The following RFX4 variants were observed in gnomAD, a reference collection of about 807,000 sequenced individuals.
RFX4 encodes the protein transcription factor RFX4.
RFX4 carries 10 observed loss-of-function variants against 95.0 expected under a neutral mutation model. The ratio of observed to expected loss-of-function variants is 0.11; its 90% CI spans 0.06 to 0.18. RFX4 has a LOEUF of 0.18. RFX4 is among the 10% of genes least tolerant of loss of function. RFX4 has a pLI of 1.00. For missense variants in RFX4, 640 were observed against 922.0 expected, an observed-to-expected ratio of 0.69 and a Z score of 3.96; for synonymous variants, 321 against 340.7, an observed-to-expected ratio of 0.94 and a Z score of 0.64.
chr12:106,732,832 A>G, intron 14 of RFX4, 92 bp from the exon 15 acceptor site: 1 of 1,287,546 alleles, frequency 7.8e-7, no homozygotes. Flanking sequence ...GTGACATCAC[A>G]CAGATTAGAA....
chr12:106,693,016 C>A, intron 7 of RFX4: 1 of 335,230 alleles, frequency 3.0e-6, no homozygotes, highest in African/African-American at 2.2e-5. Context: ...CCCCTCCACC[C>A]AATTGCTTAA....
chr12:106,747,351 A>T, intron 15 of RFX4, 86 bp from the exon 16 acceptor site: 2 of 1,488,790 alleles, frequency 1.3e-6, no homozygotes, highest in Non-Finnish European at 1.8e-6. Context: ...CCTTCAACTT[A>T]AGAACAAAGG....
At chr12:106,738,810 ATAT>A (rs908004769) in intron 15 of RFX4, among the ~76,000 whole-genome samples, 46 of 152,234 alleles carry the variant, frequency 3.0e-4, no homozygotes, top group African/African-American at 1.0e-3. Flanking sequence ...TTATATAGGC[ATAT>A]TATATTATAA....
chr12:106,605,675 A>C (rs906503798), intron 1 of RFX4, among the ~76,000 whole-genome samples: 1 of 152,238 alleles, frequency 6.6e-6, no homozygotes, highest in Admixed American at 6.5e-5. Flanking sequence ...CTGGATGGCA[A>C]AGAAATGGGA....
Position 106,618,221 on chromosome 12 carries a change from TATATGTTATAGATAAC to T in RFX4, c.130+9352_130+9367del, listed in dbSNP as rs1368101293. Reference sequence around the variant, plus strand: ...ATGTATATAGATTATATACATAGATTATATGTTATAGATAACATATGTTATAGATTAACAACAGTGA... The same window carrying T: ...ATGTATATAGATTATATACATAGATTATATGTTATAGATTAACAACAGTGA... On this transcript the variant is annotated intron_variant, in intron 2 of 17. Coordinates refer to ENST00000392842, the MANE Select transcript of RFX4 (RefSeq NM_213594.3). Among the ~76,000 whole-genome samples the T allele has an allele frequency of 5.9e-3, 894 of 151,942 alleles. 8 individuals carry two copies. The highest frequency in any genetic ancestry group is 0.021 in the African/African-American group (856 of 41,510).
At chr12:106,609,290 T>G (rs1249279611) in intron 2 of RFX4, among the ~76,000 whole-genome samples, 2 of 152,220 alleles carry the variant, frequency 1.3e-5, no homozygotes, top group Non-Finnish European at 2.9e-5. Context: ...GTCCTTGATA[T>G]CAGAAAGCAG....
intron 3 of RFX4, among the ~76,000 whole-genome samples, chr12:106,642,457 A>G (rs1278578866): frequency 6.6e-6 from 1 of 151,988 alleles, no homozygotes; most frequent in African/African-American, 2.4e-5. Context: ...CTCTGCAAAA[A>G]ACAAAAAACT....
chr12:106,693,724 G>A (rs928120379), intron 7 of RFX4, among the ~76,000 whole-genome samples: 1 of 152,176 alleles, frequency 6.6e-6, no homozygotes, highest in Non-Finnish European at 1.5e-5. Context: ...CTCAGTGACA[G>A]AACAAAAGTC....
Position 106,687,089 on chromosome 12 carries a change from G to A in RFX4, c.583G>A (p.Glu195Lys). The change falls in exon 6 of 18, where the codon GAG becomes AAG. Residue 195 changes from glutamate to lysine, a missense_variant. Transcript: ENST00000392842. ...TCTAAATCTGCCAGCCAGCCTGCCT[G>A]AGGAGAAGGTAACTACAACTGAAGT... The part of the protein sequence containing the change: ...KDLNLPASLP[E>K]EKVSTFIMMY... 1 of 1,613,482 alleles carries A rather than the reference G, an allele frequency of 6.2e-7. No homozygotes were observed. The highest frequency in any genetic ancestry group is 8.5e-7 in the Non-Finnish European group (1 of 1,179,902).
intron 2 of RFX4, among the ~76,000 whole-genome samples, chr12:106,609,172 T>G (rs577049640): frequency 6.6e-6 from 1 of 152,334 alleles, no homozygotes; most frequent in African/African-American, 2.4e-5. Context: ...ATAGTGACGC[T>G]CTAGGCGGGC....
intron 1 of RFX4, among the ~76,000 whole-genome samples, chr12:106,596,934 C>CT (rs2039628505): frequency 6.6e-6 from 1 of 152,198 alleles, no homozygotes; most frequent in Admixed American, 6.5e-5. Context: ...TCCTTACTTT[C>CT]TAGGAAGCCT....
chr12:106,698,779 C>G (rs1230240647), intron 8 of RFX4, among the ~76,000 whole-genome samples: 1 of 151,382 alleles, frequency 6.6e-6, no homozygotes, highest in East Asian at 1.9e-4. Context: ...TTTCTCATTC[C>G]CGATGTAGGT....
chr12:106,601,963 G>A (rs2039720146), intron 1 of RFX4, among the ~76,000 whole-genome samples: 1 of 152,176 alleles, frequency 6.6e-6, no homozygotes, highest in Admixed American at 6.5e-5. Flanking sequence ...AAGCAGCCAG[G>A]CTTTCCTCTC....
rs111464764 is a variant in RFX4 at position 106,739,623 on chromosome 12, G to A, written c.1633+6538G>A. ...TACTTATTAATTGTTTTTTTAAATG[G>A]GGAAAGAAAGGGAAATGAAATAAAT... On this transcript the variant is annotated intron_variant, in intron 15 of 17. Coordinates refer to ENST00000392842, the MANE Select transcript of RFX4 (RefSeq NM_213594.3). 8.3e-3 allele frequency among the ~76,000 whole-genome samples: 1,267 copies of A among 151,944 alleles called. 25 individuals are homozygous for A. Among genetic ancestry groups the A allele is most frequent in the African/African-American group, 0.029 (1,210 of 41,436 alleles).
intron 4 of RFX4, among the ~76,000 whole-genome samples, chr12:106,659,660 ACT>A (rs1304772211): frequency 6.6e-6 from 1 of 152,124 alleles, no homozygotes; most frequent in Admixed American, 6.5e-5. Flanking sequence ...CCTCTAAATA[ACT>A]CTATGAAGTA....
chr12:106,584,473 A>C (rs1240717945), intron 1 of RFX4, among the ~76,000 whole-genome samples: 3 of 152,202 alleles, frequency 2.0e-5, no homozygotes, highest in Non-Finnish European at 4.4e-5. Context: ...GCCTGCAAGC[A>C]TAAGCTGCTG....
chr12:106,660,750 C>T (rs949885120), intron 4 of RFX4, among the ~76,000 whole-genome samples: 7 of 152,056 alleles, frequency 4.6e-5, no homozygotes, highest in Non-Finnish European at 7.4e-5. Context: ...GGCGAGTGAG[C>T]GAGCATTACC....
chr12:106,597,471 C>T lies in RFX4; in HGVS notation c.44-11326C>T, dbSNP rs193121873. ...GCCTTAGAGGTGGGCCTGATACATT[C>T]GCTAAGACATACAATGCTTAAATCA... On this transcript the variant is annotated intron_variant, in intron 1 of 17. Coordinates refer to ENST00000392842, the MANE Select transcript of RFX4 (RefSeq NM_213594.3). Among the ~76,000 whole-genome samples the T allele has an allele frequency of 1.2e-4, 18 of 152,290 alleles. 1 individual carries two copies. Among genetic ancestry groups the T allele is most frequent in the Admixed American group, 8.5e-4 (13 of 15,298 alleles).
At chr12:106,639,425 A>G in intron 3 of RFX4, 33 bp downstream of exon 3, 6 of 1,594,194 alleles carry the variant, frequency 3.8e-6, no homozygotes, top group Non-Finnish European at 5.2e-6. Flanking sequence ...TTCTGTCTTC[A>G]GAGGATGCTC....
Sources: allele counts gnomAD v4.1 joint callset (sites outside exome capture counted in the v4.1 genomes callset), GRCh38; gene constraint gnomAD v4.1.1; transcripts MANE v1.5; gene names NCBI Gene and HGNC (gene_info 2026-07-23, HGNC 2026-07-21).